The following JAM2 variants were observed in gnomAD, a reference collection of about 807,000 sequenced individuals.
JAM2 encodes the protein junctional adhesion molecule 2.
In JAM2, 17 loss-of-function variants were observed where a neutral mutation model predicts 42.0. The observed-to-expected ratio is 0.40, with a 90% confidence interval of 0.28 to 0.61. The LOEUF is 0.61. Ranked by LOEUF, JAM2 falls within the 20% of genes least tolerant of loss-of-function variation. The pLI, the probability that JAM2 is intolerant of heterozygous loss-of-function variation, is 0.37. For synonymous variants in JAM2, 118 were observed against 128.6 expected (o/e 0.92, Z 0.56); for missense variants, 319 against 358.3 (o/e 0.89, Z 0.89).
At position 25,693,844 on chromosome 21, in the gene JAM2, A is replaced by G. The variant is rs764021326; in HGVS notation, c.330A>G (p.Glu110=). Residue 110 remains glutamate, a synonymous_variant, in exon 4 of 10, where the codon GAA becomes GAG. Coordinates refer to ENST00000480456, the MANE Select transcript of JAM2 (RefSeq NM_021219.4). The part of the protein sequence containing the change: ...TRSDAGKYRC[E]VSAPSEQGQN... The stretch of plus-strand genomic sequence containing the variant: ...GTGATGCGGGGAAATATCGTTGTGA[A>G]GTTAGTGCCCCATCTGAGCAAGGCC... The G allele has an allele frequency of 6.2e-7, 1 of 1,614,184 alleles. No individual in the cohort carries two copies. Among genetic ancestry groups the G allele is most frequent in the Admixed American group, 1.7e-5 (1 of 60,024 alleles).
At chr21:25,651,912 G>T (rs973881062) in intron 1 of JAM2, among the ~76,000 whole-genome samples, 9 of 152,176 alleles carry the variant, frequency 5.9e-5, no homozygotes, top group Non-Finnish European at 1.3e-4. Context: ...AGAAACACTG[G>T]CAGGTTAAAC....
At chr21:25,702,978 A>G (rs1393234390) in intron 6 of JAM2, among the ~76,000 whole-genome samples, 2 of 151,872 alleles carry the variant, frequency 1.3e-5, no homozygotes, top group African/African-American at 4.8e-5. Context: ...TCAGCCTCCC[A>G]AGTAGCTGGG....
chr21:25,689,578 T>C (rs187391380), intron 2 of JAM2, among the ~76,000 whole-genome samples: 1 of 152,334 alleles, frequency 6.6e-6, no homozygotes, highest in East Asian at 1.9e-4. Context: ...GCTTTGCATA[T>C]CTTATTGCAT....
At chr21:25,710,167 C>T (rs1244760247) in intron 8 of JAM2, 1 of 152,012 alleles carries the variant, frequency 6.6e-6, no homozygotes, top group Admixed American at 6.6e-5. Flanking sequence ...TTTGTATAAA[C>T]TAACTTAAAA....
chr21:25,709,100 T>A (rs1004741110), intron 7 of JAM2, among the ~76,000 whole-genome samples: 11 of 152,052 alleles, frequency 7.2e-5, no homozygotes, highest in African/African-American at 2.7e-4. Context: ...AGCATTCCAT[T>A]TCTCTAACTA....
At chr21:25,683,501 T>A (rs2033683633) in intron 1 of JAM2, among the ~76,000 whole-genome samples, 1 of 152,212 alleles carries the variant, frequency 6.6e-6, no homozygotes, top group Non-Finnish European at 1.5e-5. Context: ...CTATTTATAC[T>A]TTTAAATAAG....
intron 9 of JAM2, among the ~76,000 whole-genome samples, chr21:25,713,125 C>G (rs201083561): frequency 6.6e-6 from 1 of 152,166 alleles, no homozygotes; most frequent in East Asian, 1.9e-4. Context: ...CACCTAATCA[C>G]CTCCTAAAGG....
intron 1 of JAM2, among the ~76,000 whole-genome samples, chr21:25,657,804 T>C (rs1055274818): frequency 3.9e-5 from 6 of 152,224 alleles, no homozygotes; most frequent in Non-Finnish European, 7.3e-5. Flanking sequence ...TAGCCTGTTA[T>C]AATAAAATTA....
At chr21:25,677,614 C>A (rs1305918211) in intron 1 of JAM2, among the ~76,000 whole-genome samples, 1 of 152,128 alleles carries the variant, frequency 6.6e-6, no homozygotes, top group Non-Finnish European at 1.5e-5. Flanking sequence ...AGGCCAGAAC[C>A]TACTGAAGAA....
chr21:25,686,749 G>A (rs1448060270), intron 2 of JAM2, among the ~76,000 whole-genome samples: 1 of 152,154 alleles, frequency 6.6e-6, no homozygotes, highest in African/African-American at 2.4e-5. Context: ...TTCTCTTTTT[G>A]TGTTATGTAT....
intron 9 of JAM2, among the ~76,000 whole-genome samples, chr21:25,713,595 A>T (rs2034425287): frequency 6.6e-6 from 1 of 152,178 alleles, no homozygotes; most frequent in Non-Finnish European, 1.5e-5. Context: ...GGACATCAGT[A>T]TTTTAAATGC....
In JAM2 at chr21:25,717,520, C is replaced by A; in HGVS notation, c.*2848C>A. ...AACTTTGCAAAGAACTTCCTTTTTC[C>A]ACAGGTGGCTTTGTTCGATTAAAGT... On this transcript the variant is annotated 3_prime_UTR_variant, in exon 10 of 10. Coordinates refer to ENST00000480456, the MANE Select transcript of JAM2 (RefSeq NM_021219.4). The A allele has an allele frequency of 9.0e-7, 1 of 1,109,694 alleles. No homozygotes were observed. The highest frequency in any genetic ancestry group is 1.2e-6 in the Non-Finnish European group (1 of 838,650). 68.7% of individuals were successfully genotyped at this position (1,109,694 alleles called of 1,614,324 possible).
chr21:25,715,583 A>G lies in JAM2; in HGVS notation c.*911A>G, dbSNP rs17001318. 0.023 allele frequency: 3,573 copies of G among 152,320 alleles called. 68 individuals carry two copies. Among genetic ancestry groups the G allele is most frequent in the Non-Finnish European group, 0.034 (2,317 of 68,036 alleles). 9.4% of individuals were successfully genotyped at this position (152,320 alleles called of 1,614,324 possible). A position where few individuals can be genotyped will look rare whatever the true frequency, so the allele number is the denominator to read the frequency against. ...CAAGTCCCTTAGTCAGGGGTTGACAATTCTGCTTTTGGACAAGGAGGGATG... is the reference window on the plus strand; with the variant it reads ...CAAGTCCCTTAGTCAGGGGTTGACAGTTCTGCTTTTGGACAAGGAGGGATG... On this transcript the variant is annotated 3_prime_UTR_variant, in exon 10 of 10. Transcript: ENST00000480456.
At chr21:25,647,917 A>T (rs921913852) in intron 1 of JAM2, among the ~76,000 whole-genome samples, 1 of 152,226 alleles carries the variant, frequency 6.6e-6, no homozygotes, top group Admixed American at 6.5e-5. Flanking sequence ...TTTTTTAAAA[A>T]ATGCACTAGA....
At chr21:25,649,036 A>G (rs2032695115) in intron 1 of JAM2, among the ~76,000 whole-genome samples, 1 of 152,254 alleles carries the variant, frequency 6.6e-6, no homozygotes. Context: ...ATATAAGGAA[A>G]TATAAAGACT....
At chr21:25,659,417 C>G (rs1168552887) in intron 1 of JAM2, among the ~76,000 whole-genome samples, 1 of 152,054 alleles carries the variant, frequency 6.6e-6, no homozygotes, top group Non-Finnish European at 1.5e-5. Context: ...CTGTGTTTTT[C>G]CTTCCTTTTA....
intron 9 of JAM2, 63 bp downstream of exon 9, chr21:25,712,445 A>G: frequency 8.6e-7 from 1 of 1,163,288 alleles, no homozygotes; most frequent in Non-Finnish European, 1.3e-6. Flanking sequence ...AGGGAAATGA[A>G]GTAATTATAT....
Position 25,712,273 on chromosome 21 carries a change from A to G in JAM2, c.822-67A>G, listed in dbSNP as rs773343625. 6.6e-6 allele frequency: 7 copies of G among 1,054,618 alleles called. No individual in the cohort carries two copies. The Middle Eastern group carries it at 6.0e-4, about 90-fold the overall frequency. 65.3% of individuals were successfully genotyped at this position (1,054,618 alleles called of 1,614,324 possible). ...ATGTATGGAAGTAAAATTAACTAAA[A>G]GAGCATATATGTTCCAGATTGGAAG... On this transcript the variant is annotated intron_variant, in intron 8 of 9. Transcript: ENST00000480456.
At chr21:25,690,902 T>C (rs933294674) in intron 3 of JAM2, among the ~76,000 whole-genome samples, 4 of 152,232 alleles carry the variant, frequency 2.6e-5, no homozygotes, top group African/African-American at 7.2e-5. Context: ...GTGATGAACT[T>C]ATAATTTAAA....
Sources: gnomAD v4.1 joint callset for allele counts (sites outside exome capture counted in the v4.1 genomes callset) on GRCh38, gnomAD v4.1.1 for gene constraint, MANE v1.5 for transcripts, NCBI Gene and HGNC (gene_info 2026-07-23, HGNC 2026-07-21) for gene names.